Variants in AFF1 observed in about 807,000 individuals in gnomAD.
The protein encoded by AFF1 is ALF transcription elongation factor 1.
In AFF1, 48 loss-of-function variants were observed where a neutral mutation model predicts 121.7. The ratio of observed to expected loss-of-function variants is 0.39; its 90% CI spans 0.31 to 0.50. The LOEUF (loss-of-function observed/expected upper bound fraction) is 0.50, where lower values mean the gene tolerates loss of function less well. Ranked by LOEUF, AFF1 falls within the 20% of genes least tolerant of loss-of-function variation. AFF1 has a pLI of 0.76. For synonymous variants in AFF1, 613 were observed against 563.0 expected (o/e 1.09, Z -1.26); for missense variants, 1,523 against 1,511.7 (o/e 1.01, Z -0.12).
At chr4:87,009,289 CG>C (rs1726485809) in intron 2 of AFF1, among the ~76,000 whole-genome samples, 2 of 152,214 alleles carry the variant, frequency 1.3e-5, no homozygotes, top group African/African-American at 4.8e-5. Flanking sequence ...GGTGGAGCAA[CG>C]CCTGACTCCA....
intron 2 of AFF1, among the ~76,000 whole-genome samples, chr4:86,952,053 G>A (rs1721389762): frequency 6.6e-6 from 1 of 151,742 alleles, no homozygotes; most frequent in African/African-American, 2.4e-5. Flanking sequence ...TTGTTGGGCT[G>A]TCTTTTGCTC....
At chr4:87,067,587 C>T (rs1030875162) in intron 4 of AFF1, among the ~76,000 whole-genome samples, 1 of 152,166 alleles carries the variant, frequency 6.6e-6, no homozygotes, top group Non-Finnish European at 1.5e-5. Flanking sequence ...GCTAAATGCA[C>T]AGAGTCAGGG....
At chr4:87,060,835 CAAAAAAAAAAAAAAAAAAAAAA>C (rs749186199) in intron 4 of AFF1, among the ~76,000 whole-genome samples, 1 of 62,296 alleles carries the variant, frequency 1.6e-5, no homozygotes, top group African/African-American at 6.2e-5. Context: ...GACTCTGTCT[CAAAAAAAAAAAAAAAAAAAAAA>C]AAAAAAAAAA....
intron 2 of AFF1, among the ~76,000 whole-genome samples, chr4:87,015,475 T>G (rs980129731): frequency 5.9e-5 from 9 of 152,262 alleles, no homozygotes; most frequent in Non-Finnish European, 1.2e-4. Flanking sequence ...TCTGCTTATC[T>G]TGTGACTTGG....
In AFF1 at chr4:86,961,658, A is replaced by AC. The variant is rs201851097; in HGVS notation, c.38+13090dup. On this transcript the variant is annotated intron_variant, in intron 2 of 20. Coordinates refer to ENST00000395146, the MANE Select transcript of AFF1 (RefSeq NM_001166693.3). ...CAGGAAAAAGATGAAAAGATTAGTT[A>AC]CCCAAAAAAAAAAAAATTAAGGAAT... Among the ~76,000 whole-genome samples the AC allele has an allele frequency of 6.4e-4, 82 of 127,946 alleles. 2 individuals are homozygous for AC. The East Asian group carries it at 6.8e-3, about 11-fold the overall frequency. 83.9% of individuals were successfully genotyped at this position (127,946 alleles called of 152,430 possible).
chr4:87,127,166 T>TGGGGGGGGGG, intron 15 of AFF1, 49 bp downstream of exon 15: 1 of 1,084,624 alleles, frequency 9.2e-7, no homozygotes, highest in Non-Finnish European at 1.3e-6. Context: ...TTGTTTTGCT[T>TGGGGGGGGGG]CCCCCCCCCA....
intron 4 of AFF1, among the ~76,000 whole-genome samples, chr4:87,080,508 T>C (rs1723059054): frequency 6.6e-6 from 1 of 152,156 alleles, no homozygotes; most frequent in Non-Finnish European, 1.5e-5. Flanking sequence ...AGTATTTGGC[T>C]GGAGACCCTA....
chr4:86,944,140 T>TTA (rs1175225388), intron 1 of AFF1, among the ~76,000 whole-genome samples: 38 of 96,170 alleles, frequency 4.0e-4, no homozygotes, highest in African/African-American at 1.1e-3. Context: ...CAAGACCCTG[T>TTA]AAAAAAAAAA....
At position 87,137,822 on chromosome 4, in the gene AFF1, C is replaced by T. The variant is rs1288805503; in HGVS notation, c.*2121C>T. 1 of 231,714 alleles carries T rather than the reference C, an allele frequency of 4.3e-6. No individual in the cohort carries two copies. Among genetic ancestry groups the T allele is most frequent in the Non-Finnish European group, 8.5e-6 (1 of 117,166 alleles). The allele number at this position is 231,714 out of a possible 1,614,324, so 14.4% of individuals were successfully genotyped here. ...CCTTACTCCCTTAGCCATCCCCTCC[C>T]CTTTTGTCCTATCATTCCCTAGAAC... On this transcript the variant is annotated 3_prime_UTR_variant, in exon 21 of 21. Transcript: ENST00000395146.
intron 2 of AFF1, among the ~76,000 whole-genome samples, chr4:86,964,849 C>T (rs1722424745): frequency 6.6e-6 from 1 of 152,224 alleles, no homozygotes; most frequent in African/African-American, 2.4e-5. Context: ...ACTAATAAAA[C>T]ATTTAGTAAT....
At chr4:87,120,517 C>T (rs1432606121) in intron 12 of AFF1, among the ~76,000 whole-genome samples, 1 of 152,234 alleles carries the variant, frequency 6.6e-6, no homozygotes, top group African/African-American at 2.4e-5. Context: ...ATCTGCAGCT[C>T]AGGCATGCTG....
chr4:87,069,419 C>T (rs1721744604), intron 4 of AFF1, among the ~76,000 whole-genome samples: 1 of 149,428 alleles, frequency 6.7e-6, no homozygotes, highest in South Asian at 2.1e-4. Flanking sequence ...CTCCCTCCCT[C>T]CCTCTCCCCT....
At chr4:86,953,059 A>AT (rs1468710546) in intron 2 of AFF1, among the ~76,000 whole-genome samples, 6 of 150,672 alleles carry the variant, frequency 4.0e-5, no homozygotes, top group South Asian at 2.1e-4. Flanking sequence ...TCTATGACAT[A>AT]TTTTTTTTGT....
intron 4 of AFF1, among the ~76,000 whole-genome samples, chr4:87,056,940 A>G (rs1170557799): frequency 4.6e-5 from 7 of 152,354 alleles, no homozygotes; most frequent in East Asian, 1.9e-4. Context: ...TGAGAGATTT[A>G]GAGGTACAGA....
intron 1 of AFF1, chr4:86,935,868 CT>C: frequency 6.6e-6 from 1 of 152,264 alleles, no homozygotes; most frequent in Non-Finnish European, 1.5e-5. Flanking sequence ...CTTGATAATG[CT>C]TTTTTCCCTC....
At chr4:87,093,338 G>C (rs1319231436) in intron 7 of AFF1, among the ~76,000 whole-genome samples, 1 of 152,154 alleles carries the variant, frequency 6.6e-6, no homozygotes, top group African/African-American at 2.4e-5. Flanking sequence ...ACCTGAAAAA[G>C]AGGGATCTAG....
Position 87,138,286 on chromosome 4 carries a change from T to C in AFF1, c.*2585T>C. 4.3e-6 allele frequency: 1 copy of C among 232,640 alleles called. No homozygotes were observed. The allele number at this position is 232,640 out of a possible 1,614,324, so 14.4% of individuals were successfully genotyped here. A position where few individuals can be genotyped will look rare whatever the true frequency, so the allele number is the denominator to read the frequency against. On this transcript the variant is annotated 3_prime_UTR_variant, in exon 21 of 21. Coordinates refer to ENST00000395146, the MANE Select transcript of AFF1 (RefSeq NM_001166693.3). ...GAGGTCTGAAGGATTTTTAAAATGA[T>C]TTGCACTTTTTCACTGCATGCTTAC... is the stretch of plus-strand genomic sequence containing the variant.
chr4:87,032,133 C>CA (rs1729141592), intron 2 of AFF1, among the ~76,000 whole-genome samples: 1 of 152,186 alleles, frequency 6.6e-6, no homozygotes, highest in Middle Eastern at 3.2e-3. Context: ...TGCAGAAAAA[C>CA]AATGACTTAC....
At chr4:87,099,019 A>G (rs116493578) in intron 8 of AFF1, among the ~76,000 whole-genome samples, 2,360 of 152,340 alleles carry the variant, frequency 0.015, 67 homozygotes, top group African/African-American at 0.054. Context: ...ATCAGGATGT[A>G]AGTAGTGTCA....
Sources: allele counts gnomAD v4.1 joint callset (sites outside exome capture counted in the v4.1 genomes callset), GRCh38; gene constraint gnomAD v4.1.1; transcripts MANE v1.5; gene names NCBI Gene and HGNC (gene_info 2026-07-23, HGNC 2026-07-21).